Variants in MYZAP observed in about 807,000 individuals in gnomAD.
MYZAP encodes the protein GRINL1A complex locus upstream.
MYZAP carries 66 observed loss-of-function variants against 69.4 expected under a neutral mutation model. The observed-to-expected ratio is 0.95, with a 90% CI of 0.78 to 1.17. The LOEUF is 1.17. Ranked by LOEUF, MYZAP falls within the 50% of genes most tolerant of loss-of-function variation. The pLI, the probability that MYZAP is intolerant of heterozygous loss-of-function variation, is 0.00. For missense variants in MYZAP, 611 were observed against 556.2 expected (o/e 1.10, Z -0.99); for synonymous variants, 256 against 205.9 (o/e 1.24, Z -2.09).
chr15:57,672,476 A>T (rs2038911989), intron 11 of MYZAP, among the ~76,000 whole-genome samples: 1 of 152,068 alleles, frequency 6.6e-6, no homozygotes, highest in African/African-American at 2.4e-5. Flanking sequence ...CAGAATGTAC[A>T]GCTGTGAGTT....
At chr15:57,623,627 G>A (rs1011363260) in intron 4 of MYZAP, among the ~76,000 whole-genome samples, 1 of 151,908 alleles carries the variant, frequency 6.6e-6, no homozygotes, top group African/African-American at 2.4e-5. Context: ...TAGCTACTCC[G>A]TTGGCTGAGG....
At chr15:57,648,004 G>A (rs910213361) in intron 10 of MYZAP, 21 of 985,268 alleles carry the variant, frequency 2.1e-5, no homozygotes, top group South Asian at 1.4e-4. Context: ...CTGTCTCGTG[G>A]CCACTCAAGC....
At chr15:57,599,782 T>G (rs1288834343) in intron 1 of MYZAP, 54 of 1,040,326 alleles carry the variant, frequency 5.2e-5, no homozygotes, top group Non-Finnish European at 6.8e-5. Flanking sequence ...TGGAGGGAGG[T>G]AGACTGTACT....
chr15:57,684,580 T>C lies in MYZAP; in HGVS notation c.*82T>C, dbSNP rs1273819854. Reference sequence around the variant, plus strand: ...TCAAATCCTTTGGGAAGGGTGACTGTTGTTTCCCCTACACACAGTGTAAGC... The same window carrying C: ...TCAAATCCTTTGGGAAGGGTGACTGCTGTTTCCCCTACACACAGTGTAAGC... On this transcript the variant is annotated 3_prime_UTR_variant, in exon 13 of 13. Transcript: ENST00000267853. The C allele has an allele frequency of 1.2e-6, 1 of 847,812 alleles. No homozygotes were observed. The highest frequency in any genetic ancestry group is 1.7e-5 in the African/African-American group (1 of 58,854). The allele number at this position is 847,812 out of a possible 1,614,324, so 52.5% of individuals were successfully genotyped here.
Position 57,671,565 on chromosome 15 carries a change from T to C in MYZAP, c.1204-3403T>C, listed in dbSNP as rs566908994. Among the ~76,000 whole-genome samples, 7 of 152,294 alleles carry C rather than the reference T, an allele frequency of 4.6e-5. No homozygotes were observed. In the South Asian group the frequency reaches 1.5e-3, roughly 32 times the overall value. On this transcript the variant is annotated intron_variant, in intron 11 of 12. Coordinates refer to ENST00000267853, the MANE Select transcript of MYZAP (RefSeq NM_001018100.5). The stretch of plus-strand genomic sequence containing the variant: ...CTTCACAGTTCCACAGTGCTCCATT[T>C]ATTGTTTTCAGTCTTTTGTTTATCT...
intron 10 of MYZAP, among the ~76,000 whole-genome samples, chr15:57,657,085 A>G (rs2038047119): frequency 6.6e-6 from 1 of 152,138 alleles, no homozygotes; most frequent in African/African-American, 2.4e-5. Context: ...GGGGACAGTG[A>G]CCAGTAGGAT....
Position 57,618,080 on chromosome 15 carries a change from T to C in MYZAP, c.210T>C (p.Gly70=). ...NGEPTRKLPQ[G]VVYGVVRRSD... is the part of the protein sequence containing the mutation. Reference sequence around the variant, plus strand: ...AACCTACCAGGAAACTTCCTCAGGGTGTTGTTTATGGTGTGGTGCGAAGAT... The same window carrying C: ...AACCTACCAGGAAACTTCCTCAGGGCGTTGTTTATGGTGTGGTGCGAAGAT... Residue 70 remains glycine (G), a synonymous_variant, in exon 3 of 13, where the codon GGT becomes GGC. Coordinates refer to ENST00000267853, the MANE Select transcript of MYZAP (RefSeq NM_001018100.5). 1 of 1,614,034 alleles carries C rather than the reference T, an allele frequency of 6.2e-7. No individual in the cohort carries two copies. Among genetic ancestry groups the C allele is most frequent in the Non-Finnish European group, 8.5e-7 (1 of 1,179,984 alleles).
At chr15:57,639,398 T>A (rs748364508) in intron 9 of MYZAP, 42 bp from the exon 10 acceptor site, 1 of 1,601,774 alleles carries the variant, frequency 6.2e-7, no homozygotes, top group Non-Finnish European at 8.5e-7. Context: ...TGTTGCTGCT[T>A]TGGTTTAGGA....
At position 57,625,823 on chromosome 15, in the gene MYZAP, C is replaced by G; in HGVS notation, c.456C>G (p.Thr152=). Reference sequence around the variant, plus strand: ...AGTATCTGGAGAATCACATCCAAACCCAGTCGTCTGCCCTGGATCGTTTTA... The same window carrying G: ...AGTATCTGGAGAATCACATCCAAACGCAGTCGTCTGCCCTGGATCGTTTTA... ...QQEYLENHIQ[T]QSSALDRFNA... is the part of the protein sequence containing the mutation. Residue 152 remains threonine, a synonymous_variant, in exon 5 of 13, where the codon ACC becomes ACG. Coordinates refer to ENST00000267853, the MANE Select transcript of MYZAP (RefSeq NM_001018100.5). 1 of 1,614,144 alleles carries G rather than the reference C, an allele frequency of 6.2e-7. No homozygotes were observed. The highest frequency in any genetic ancestry group is 8.5e-7 in the Non-Finnish European group (1 of 1,180,028).
Position 57,680,660 on chromosome 15 carries a change from CTT to C in MYZAP, c.1305-3739_1305-3738del, listed in dbSNP as rs1249773658. 52 of 152,298 alleles carry C rather than the reference CTT, an allele frequency of 3.4e-4. 2 individuals carry two copies. Among genetic ancestry groups the C allele is most frequent in the Middle Eastern group, 3.4e-3 (1 of 294 alleles). The allele number at this position is 152,298 out of a possible 1,614,324, so 9.4% of individuals were successfully genotyped here. A position where few individuals can be genotyped will look rare whatever the true frequency, so the allele number is the denominator to read the frequency against. On this transcript the variant is annotated intron_variant, in intron 12 of 12. Transcript: ENST00000267853. ...AAAACAAAAACGAAAGGAAAAGTGACTTTTCTTTCTTCTGCCCTGTAGTGAAA... is the reference window on the plus strand; with the variant it reads ...AAAACAAAAACGAAAGGAAAAGTGACTTCTTTCTTCTGCCCTGTAGTGAAA...
At chr15:57,627,848 G>T (rs1312555832) in intron 5 of MYZAP, among the ~76,000 whole-genome samples, 2 of 152,262 alleles carry the variant, frequency 1.3e-5, no homozygotes, top group East Asian at 3.9e-4. Flanking sequence ...TGAAGCCAGT[G>T]GGGCTGGGGG....
Position 57,599,819 on chromosome 15 carries a change from G to T in MYZAP, c.76-4450G>T, listed in dbSNP as rs796666817. The T allele has an allele frequency of 8.5e-6, 6 of 704,876 alleles. No individual in the cohort carries two copies. In the African/African-American group the frequency reaches 9.1e-5, roughly 11 times the overall value. 43.7% of individuals were successfully genotyped at this position (704,876 alleles called of 1,614,324 possible). ...GGACAACTTTATGGGTGGTTCAGGG[G>T]TTACTGTCCTTAGTGCTTCTGTTAG... On this transcript the variant is annotated intron_variant, in intron 1 of 12. Transcript: ENST00000267853.
chr15:57,646,379 A>T (rs1173341135), intron 10 of MYZAP: 1 of 1,170,332 alleles, frequency 8.5e-7, no homozygotes, highest in Non-Finnish European at 1.1e-6. Context: ...ACACCCACAT[A>T]CTGTCACCCT....
chr15:57,677,180 G>C (rs559961757), intron 12 of MYZAP, among the ~76,000 whole-genome samples: 1 of 152,320 alleles, frequency 6.6e-6, no homozygotes, highest in East Asian at 1.9e-4. Context: ...GAGAGGCTTC[G>C]GGATGCCCGG....
At chr15:57,669,783 A>G (rs1229565492) in intron 11 of MYZAP, among the ~76,000 whole-genome samples, 1 of 152,120 alleles carries the variant, frequency 6.6e-6, no homozygotes, top group Admixed American at 6.5e-5. Flanking sequence ...AAAGCTATAA[A>G]TGTCCTTCTA....
intron 2 of MYZAP, among the ~76,000 whole-genome samples, chr15:57,614,624 AG>A (rs1213424955): frequency 1.3e-5 from 2 of 152,240 alleles, no homozygotes; most frequent in African/African-American, 4.8e-5. Context: ...GGGGATGGGC[AG>A]GGGAAGTGGA....
intron 10 of MYZAP, among the ~76,000 whole-genome samples, chr15:57,642,131 C>T (rs2037197436): frequency 1.3e-5 from 2 of 152,230 alleles, no homozygotes; most frequent in Non-Finnish European, 2.9e-5. Flanking sequence ...TGGTTACGTT[C>T]TTTACAAAGT....
intron 12 of MYZAP, among the ~76,000 whole-genome samples, chr15:57,679,042 GAC>G (rs2039290351): frequency 6.6e-6 from 1 of 152,056 alleles, no homozygotes; most frequent in Non-Finnish European, 1.5e-5. Flanking sequence ...CAGGTGTGGT[GAC>G]ACATGCCTGT....
rs77967517 is a variant in MYZAP at position 57,635,636 on chromosome 15, A to G, written c.933+1895A>G. Among the ~76,000 whole-genome samples, 1,016 of 152,342 alleles carry G rather than the reference A, an allele frequency of 6.7e-3. 8 individuals carry two copies. Among genetic ancestry groups the G allele is most frequent in the Non-Finnish European group, 0.011 (768 of 68,036 alleles). The stretch of plus-strand genomic sequence containing the variant: ...CTTCCTTTCCATTTAGGCTAGAGAA[A>G]TGCTCTATTTATTGAACTAACATTA... On this transcript the variant is annotated intron_variant, in intron 8 of 12. Coordinates refer to ENST00000267853, the MANE Select transcript of MYZAP (RefSeq NM_001018100.5).
Sources: gnomAD v4.1 joint callset for allele counts (sites outside exome capture counted in the v4.1 genomes callset) on GRCh38, gnomAD v4.1.1 for gene constraint, MANE v1.5 for transcripts, NCBI Gene and HGNC (gene_info 2026-07-23, HGNC 2026-07-21) for gene names.